PCDHA3: variants seen among roughly 807,000 people sequenced by gnomAD.
PCDHA3 encodes protocadherin alpha-3.
A neutral mutation model predicts 62.2 loss-of-function variants in PCDHA3; 41 were observed. That is an observed-to-expected ratio of 0.66 (90% CI 0.51 to 0.86). PCDHA3 has a LOEUF of 0.86. Among genes scored for constraint, PCDHA3 ranks in the 40% least tolerant of loss-of-function variants. The probability of loss-of-function intolerance (pLI) is 0.00; values close to 1 mark genes in which losing one functional copy is unlikely to be tolerated. For synonymous variants in PCDHA3, 640 were observed against 555.4 expected, an observed-to-expected ratio of 1.15 and a Z score of -2.14; for missense variants, 1,304 against 1,241.2, an observed-to-expected ratio of 1.05 and a Z score of -0.76.
chr5:140,868,850 G>C, intron 1 of PCDHA3: 3 of 459,172 alleles, frequency 6.5e-6, no homozygotes, highest in South Asian at 5.9e-5. Flanking sequence ...GTGAAATTCT[G>C]TGGTGGTAAA....
intron 3 of PCDHA3, among the ~76,000 whole-genome samples, chr5:140,998,021 C>T (rs2097794085): frequency 6.6e-6 from 1 of 152,152 alleles, no homozygotes; most frequent in Non-Finnish European, 1.5e-5. Context: ...CCACCTCGAG[C>T]TAGTGCTATA....
chr5:140,979,144 T>C, intron 2 of PCDHA3, 137 bp downstream of exon 2: 1 of 1,448,584 alleles, frequency 6.9e-7, no homozygotes. Flanking sequence ...GCAATTATTT[T>C]GTCCCCATGT....
At chr5:140,830,144 GGCGC>G (rs1770849922) in intron 1 of PCDHA3, 1 of 1,613,236 alleles carries the variant, frequency 6.2e-7, no homozygotes, top group East Asian at 2.2e-5. Context: ...GGCGTCGGTG[GGCGC>G]CGCGGGCCCA....
At chr5:140,940,369 T>C (rs1554213311) in intron 1 of PCDHA3, among the ~76,000 whole-genome samples, 1 of 152,212 alleles carries the variant, frequency 6.6e-6, no homozygotes, top group Admixed American at 6.5e-5. Context: ...AAAGTATTCC[T>C]TGAGTTGTTA....
intron 1 of PCDHA3, chr5:140,858,303 G>A: frequency 6.3e-7 from 1 of 1,597,370 alleles, no homozygotes; most frequent in South Asian, 1.1e-5. Context: ...TCGCAGCAGA[G>A]GCGGCAGAGG....
intron 1 of PCDHA3, chr5:140,930,208 A>C (rs939593947): frequency 6.6e-6 from 1 of 152,220 alleles, no homozygotes; most frequent in African/African-American, 2.4e-5. Flanking sequence ...AGAAATATTT[A>C]TGTGTTCAAA....
intron 1 of PCDHA3, chr5:140,926,550 C>A (rs1235832737): frequency 1.7e-5 from 4 of 233,488 alleles, no homozygotes; most frequent in Admixed American, 5.6e-5. Context: ...TGGTCGAGAC[C>A]CCAGCCCGCT....
chr5:140,833,091 C>T (rs2150206226), intron 1 of PCDHA3, among the ~76,000 whole-genome samples: 72,266 of 151,896 alleles, frequency 0.48, 17,794 homozygotes, highest in Middle Eastern at 0.61. Flanking sequence ...GAGTACTAGA[C>T]GAGTAATTTT....
chr5:141,000,780 A>G (rs2097963386), intron 3 of PCDHA3, among the ~76,000 whole-genome samples: 1 of 151,780 alleles, frequency 6.6e-6, no homozygotes, highest in Admixed American at 6.6e-5. Context: ...AGTGGCGCAC[A>G]CCTGTATTCC....
At chr5:140,848,150 A>AG (rs1781344114) in intron 1 of PCDHA3, 1 of 209,114 alleles carries the variant, frequency 4.8e-6, no homozygotes, top group South Asian at 1.1e-4. Flanking sequence ...AGAGGCAGTC[A>AG]GTCTGCTAAG....
intron 1 of PCDHA3, chr5:140,869,704 G>C: frequency 6.2e-7 from 1 of 1,613,400 alleles, no homozygotes; most frequent in Non-Finnish European, 8.5e-7. Flanking sequence ...GAAGTCTCTG[G>C]ATAGAGAGAA....
chr5:140,872,729 A>T (rs578008508), intron 1 of PCDHA3, among the ~76,000 whole-genome samples: 15 of 152,366 alleles, frequency 9.8e-5, no homozygotes, highest in African/African-American at 3.6e-4. Flanking sequence ...AAATTATTCA[A>T]ATTATCTAAA....
At chr5:140,804,902 A>G (rs751937136) in intron 1 of PCDHA3, 16 of 812,332 alleles carry the variant, frequency 2.0e-5, no homozygotes, top group African/African-American at 1.2e-4. Flanking sequence ...CCTCACTTCC[A>G]TTTTCTTTAT....
At chr5:140,851,722 C>T (rs2042141470) in intron 1 of PCDHA3, 8 of 966,996 alleles carry the variant, frequency 8.3e-6, no homozygotes, top group East Asian at 1.1e-4. Flanking sequence ...TTCGAAACTT[C>T]GAGTTCTTTT....
intron 1 of PCDHA3, chr5:140,862,474 T>C (rs1342820666): frequency 2.6e-6 from 1 of 377,454 alleles, no homozygotes. Flanking sequence ...AGCAAATCTA[T>C]CCATTGTTGG....
chr5:140,891,568 A>G (rs1448026659), intron 1 of PCDHA3, among the ~76,000 whole-genome samples: 1 of 151,646 alleles, frequency 6.6e-6, no homozygotes, highest in Non-Finnish European at 1.5e-5. Flanking sequence ...CTCTAATTAA[A>G]CATATTTTAA....
intron 1 of PCDHA3, chr5:140,858,360 G>C (rs782369682): frequency 1.9e-6 from 3 of 1,592,532 alleles, no homozygotes; most frequent in Non-Finnish European, 2.6e-6. Flanking sequence ...ATGGCCTTCA[G>C]CCCCAGCCTT....
chr5:140,914,619 T>G (rs1554196515), intron 1 of PCDHA3, among the ~76,000 whole-genome samples: 1 of 152,194 alleles, frequency 6.6e-6, no homozygotes, highest in African/African-American at 2.4e-5. Context: ...TTTTGTAATT[T>G]GTTTTCTCGT....
Position 140,926,923 on chromosome 5 carries a change from T to C in PCDHA3, c.2395-52026T>C, listed in dbSNP as rs532425369. On this transcript the variant is annotated intron_variant, in intron 1 of 3. Transcript: ENST00000522353. ...GGGCTGTGGGGTGGCAGTTTTATGT[T>C]TGTGGGTTTCCTGCGGCGCTGCAGC... 35 of 1,571,554 alleles carry C rather than the reference T, an allele frequency of 2.2e-5. No homozygotes were observed. The East Asian group carries it at 6.5e-4, about 29-fold the overall frequency.
Sources: allele counts gnomAD v4.1 joint callset (sites outside exome capture counted in the v4.1 genomes callset), GRCh38; gene constraint gnomAD v4.1.1; transcripts MANE v1.5; gene names NCBI Gene and HGNC (gene_info 2026-07-23, HGNC 2026-07-21).